Variants in EPG5 observed in about 807,000 individuals in gnomAD.
EPG5 encodes ectopic P granules protein 5 homolog.
EPG5 carries 159 observed loss-of-function variants against 302.7 expected under a neutral mutation model. The ratio of observed to expected loss-of-function variants is 0.53; its 90% CI spans 0.46 to 0.60. The LOEUF is 0.60. Ranked by LOEUF, EPG5 falls within the 20% of genes least tolerant of loss-of-function variation. The pLI, the probability that EPG5 is intolerant of heterozygous loss-of-function variation, is 0.00. For missense variants in EPG5, 2,896 were observed against 3,092.4 expected, an observed-to-expected ratio of 0.94 and a Z score of 1.51; for synonymous variants, 1,158 against 1,136.8, an observed-to-expected ratio of 1.02 and a Z score of -0.37.
intron 43 of EPG5, among the ~76,000 whole-genome samples, chr18:45,853,028 G>A: frequency 6.6e-6 from 1 of 152,308 alleles, no homozygotes; most frequent in South Asian, 2.1e-4. Context: ...CCACCTGTGG[G>A]GTCCTCCCCA....
intron 39 of EPG5, 78 bp downstream of exon 39, chr18:45,865,525 GTCCTGAACATCC>G (rs1229275594): frequency 7.3e-7 from 1 of 1,376,398 alleles, no homozygotes; most frequent in East Asian, 2.3e-5. Flanking sequence ...GAGTGCCAGT[GTCCTGAACATCC>G]TCCTGATCTC....
intron 28 of EPG5, among the ~76,000 whole-genome samples, chr18:45,888,493 C>T (rs1370126241): frequency 3.9e-5 from 6 of 151,972 alleles, no homozygotes; most frequent in African/African-American, 7.3e-5. Context: ...TTTGTAGAGA[C>T]GGGGTTTCAC....
intron 43 of EPG5, among the ~76,000 whole-genome samples, chr18:45,853,852 C>T (rs1211878093): frequency 6.6e-6 from 1 of 152,226 alleles, no homozygotes; most frequent in African/African-American, 2.4e-5. Context: ...GTCCCTCTGT[C>T]TCTCTCCCTC....
At chr18:45,943,393 T>C (rs1217009974) in intron 8 of EPG5, 82 bp from the exon 9 acceptor site, 6 of 1,282,548 alleles carry the variant, frequency 4.7e-6, no homozygotes, top group African/African-American at 3.0e-5. Context: ...AATATTTTAA[T>C]GAGGACTCAA....
chr18:45,964,263 A>G (rs1047657118), intron 1 of EPG5, among the ~76,000 whole-genome samples: 1 of 152,234 alleles, frequency 6.6e-6, no homozygotes, highest in Non-Finnish European at 1.5e-5. Flanking sequence ...CATTCTATCT[A>G]TGGAAAGACA....
Position 45,954,526 on chromosome 18 carries a change from C to T in EPG5, c.876G>A (p.Glu292=), listed in dbSNP as rs372088946. The T allele has an allele frequency of 5.8e-5, 93 of 1,614,136 alleles. No individual in the cohort carries two copies. The highest frequency in any genetic ancestry group is 6.9e-5 in the Non-Finnish European group (82 of 1,180,052). ...TACATCGTGAGTAGTTCAAAAGCAA[C>T]TCATAAAATTCATGCCTGTCTTGAT... ...MAHQDRHEFY[E]LLLNYSRCRK... The change falls in exon 2 of 44, where the codon GAG becomes GAA. Residue 292 remains glutamate, a synonymous_variant. Coordinates refer to ENST00000282041, the MANE Select transcript of EPG5 (RefSeq NM_020964.3).
chr18:45,844,107 G>T (rs549100673), downstream of EPG5: 6 of 151,804 alleles, frequency 4.0e-5, no homozygotes, highest in Admixed American at 3.3e-4. Flanking sequence ...AAATCCTGTC[G>T]CTTGCAACAA....
At chr18:45,966,830 G>C (rs561101347) in intron 1 of EPG5, among the ~76,000 whole-genome samples, 53 of 152,278 alleles carry the variant, frequency 3.5e-4, no homozygotes, top group African/African-American at 1.3e-3. Context: ...GGATATAAAA[G>C]AGTAAAGAGA....
chr18:45,882,697 A>C (rs1367312273), intron 30 of EPG5, among the ~76,000 whole-genome samples: 1 of 152,126 alleles, frequency 6.6e-6, no homozygotes, highest in Non-Finnish European at 1.5e-5. Context: ...AGAGAAGTAC[A>C]TAAAAGAATA....
the EPG5 span, among the ~76,000 whole-genome samples, chr18:45,818,954 G>A: frequency 2.6e-5 from 4 of 152,056 alleles, no homozygotes; most frequent in Admixed American, 6.6e-5. Flanking sequence ...GGCTGGTTTC[G>A]AAATGCTGAC....
intron 9 of EPG5, among the ~76,000 whole-genome samples, chr18:45,941,340 A>G (rs928072037): frequency 3.9e-5 from 6 of 152,222 alleles, no homozygotes; most frequent in Admixed American, 3.9e-4. Flanking sequence ...GAAGAGACCC[A>G]GAACTGGCCA....
At chr18:45,803,755 C>T in the EPG5 span, among the ~76,000 whole-genome samples, 11 of 152,042 alleles carry the variant, frequency 7.2e-5, no homozygotes, top group African/African-American at 2.7e-4. Context: ...TATGAGGGGC[C>T]ACTCAGAAAA....
chr18:45,930,756 T>A lies in EPG5; in HGVS notation c.2332A>T (p.Thr778Ser). The change falls in exon 12 of 44, where the codon ACC (threonine) becomes TCC (serine). Residue 778 changes from threonine (T) to serine (S), a missense_variant. This residue lies in a region of EPG5 where 1,390 missense variants were observed against 1,430.0 expected (regional missense o/e 0.97). Transcript: ENST00000282041. ...CTGGCCTGAGCCATCTGAGCAAAGG[T>A]AGTCAGAAGGCAAATCTCTTCTGAG... is the stretch of plus-strand genomic sequence containing the variant. ...NSSEEICLLT[T>S]FAQMAQARRT... 6.2e-7 allele frequency: 1 copy of A among 1,612,180 alleles called. No homozygotes were observed. The highest frequency in any genetic ancestry group is 2.2e-5 in the East Asian group (1 of 44,772).
At chr18:45,845,239 G>A (rs905083347), downstream of EPG5, among the ~76,000 whole-genome samples, 6 of 152,190 alleles carry the variant, frequency 3.9e-5, no homozygotes, top group Non-Finnish European at 7.3e-5. Flanking sequence ...AGGGCTTCTT[G>A]GGACTGGAAG....
chr18:45,944,429 T>C (rs188499843), intron 7 of EPG5, among the ~76,000 whole-genome samples: 221 of 152,244 alleles, frequency 1.5e-3, no homozygotes, highest in African/African-American at 5.1e-3. Flanking sequence ...GAGGACCTTA[T>C]AGGGATCAGT....
chr18:45,871,036 C>T lies in EPG5; in HGVS notation c.6050-294G>A, dbSNP rs2048861728. Among the ~76,000 whole-genome samples the T allele has an allele frequency of 1.3e-5, 2 of 152,196 alleles. 1 individual carries two copies. Among genetic ancestry groups the T allele is most frequent in the South Asian group, 4.1e-4 (2 of 4,832 alleles). On this transcript the variant is annotated intron_variant, in intron 35 of 43. Coordinates refer to ENST00000282041, the MANE Select transcript of EPG5 (RefSeq NM_020964.3). ...TTTTAACTGAAATACACTCCTACAG[C>T]TTGTTGCCCTCAGTATGTATTCAGT... is the stretch of plus-strand genomic sequence containing the variant.
chr18:45,876,330 C>T lies in EPG5; in HGVS notation c.5955G>A (p.Arg1985=). 13 of 1,613,772 alleles carry T rather than the reference C, an allele frequency of 8.1e-6. No individual in the cohort carries two copies. The highest frequency in any genetic ancestry group is 8.5e-6 in the Non-Finnish European group (10 of 1,179,706). ...TATCACTCTCTAGCCAGGGGTAATG[C>T]CGCTGTTGGCTGCTTTAAAGAAAAG... ...VLEDNESSQQ[R]HYPWLESDTV... Residue 1985 remains arginine, a synonymous_variant, in exon 35 of 44, where the codon CGG becomes CGA. Transcript: ENST00000282041.
chr18:45,865,550 A>G, intron 39 of EPG5, 65 bp downstream of exon 39: 1 of 1,535,534 alleles, frequency 6.5e-7, no homozygotes, highest in Non-Finnish European at 8.9e-7. Flanking sequence ...CTGATCTCAC[A>G]GTGCCTTACG....
At chr18:45,825,072 C>A in the EPG5 span, among the ~76,000 whole-genome samples, 4 of 150,636 alleles carry the variant, frequency 2.7e-5, no homozygotes, top group African/African-American at 9.8e-5. Context: ...TGTGTATCTG[C>A]CCTCTGCATT....
Sources: allele counts gnomAD v4.1 joint callset (sites outside exome capture counted in the v4.1 genomes callset), GRCh38; gene constraint gnomAD v4.1.1; regional missense constraint gnomAD v4.1.1; transcripts MANE v1.5; gene names NCBI Gene and HGNC (gene_info 2026-07-23, HGNC 2026-07-21).